Variants in GPR137 observed in about 807,000 individuals in gnomAD.
GPR137 encodes integral membrane protein GPR137.
Under a neutral mutation model 38.9 loss-of-function variants are expected in GPR137, and 20 were observed. The ratio of observed to expected loss-of-function variants is 0.51; its 90% confidence interval spans 0.36 to 0.75. The LOEUF is 0.75. GPR137 is among the 30% of genes least tolerant of loss of function. GPR137 has a pLI of 0.00. For missense variants in GPR137, 456 were observed against 526.4 expected (o/e 0.87, Z 1.31); for synonymous variants, 226 against 235.8 (o/e 0.96, Z 0.38).
At chr11:64,272,299 A>AGTG (rs2032693528), upstream of GPR137, among the ~76,000 whole-genome samples, 1 of 151,478 alleles carries the variant, frequency 6.6e-6, no homozygotes, top group South Asian at 2.1e-4. Flanking sequence ...AGCCTGGGCG[A>AGTG]CAGGCTTTTT....
upstream of GPR137, among the ~76,000 whole-genome samples, chr11:64,273,777 G>A (rs1041021881): frequency 2.1e-4 from 31 of 150,258 alleles, no homozygotes; most frequent in African/African-American, 7.3e-4. Flanking sequence ...AGCTACTCGG[G>A]AGGCTGAAGC....
upstream of GPR137, among the ~76,000 whole-genome samples, chr11:64,282,559 A>AC (rs1223750743): frequency 6.8e-6 from 1 of 146,668 alleles, no homozygotes; most frequent in East Asian, 2.0e-4. Context: ...ACAAAAGGAG[A>AC]CCCCGCCCCT....
In GPR137 at chr11:64,288,558, C is replaced by T. The variant is rs1565362898; in HGVS notation, c.913-45C>T. ...GAGTCTGGGGTTGGGCCTGGGAGGC[C>T]AGTGCAGGACAGGAGTAAGTATCGA... On this transcript the variant is annotated intron_variant, in intron 5 of 6. Transcript: ENST00000438980. The surrounding 1 kb of genome is among the most constrained non-coding windows in gnomAD (Gnocchi z 5.5). 6.2e-6 allele frequency: 10 copies of T among 1,613,084 alleles called. No individual in the cohort carries two copies. Among genetic ancestry groups the T allele is most frequent in the African/African-American group, 1.3e-5 (1 of 75,020 alleles).
chr11:64,272,638 A>G (rs1458214733), upstream of GPR137: 5 of 152,210 alleles, frequency 3.3e-5, no homozygotes, highest in African/African-American at 4.8e-5. Context: ...ACATTCCCTT[A>G]TTATCCTCCT....
At chr11:64,287,476 G>A (rs773616990) in intron 2 of GPR137, 92 of 584,336 alleles carry the variant, frequency 1.6e-4, no homozygotes, top group Non-Finnish European at 1.8e-4. Flanking sequence ...GCAGGATCAA[G>A]GTCGCAGAGC....
chr11:64,270,666 G>A (rs1007499327), intron 1 of GPR137: 23 of 576,256 alleles, frequency 4.0e-5, no homozygotes, highest in African/African-American at 3.5e-4. Context: ...GCGATGGTGA[G>A]CGCCTGTAAT....
Position 64,288,611 on chromosome 11 carries a change from C to G in GPR137, c.921C>G (p.Ser307Arg). ...VHRPPQDLST[S>R]HILNGQVFAS... Reference sequence around the variant, plus strand: ...ATGGCTTCCTCCCCCAGAGCACCAGCCACATCCTCAATGGGCAGGTCTTTG... The same window carrying G: ...ATGGCTTCCTCCCCCAGAGCACCAGGCACATCCTCAATGGGCAGGTCTTTG... Residue 307 changes from serine to arginine, a missense_variant, in exon 6 of 7, where the codon AGC (serine) becomes AGG (arginine). Coordinates refer to ENST00000438980, the MANE Select transcript of GPR137 (RefSeq NM_001170880.2). This position sits in a 1 kb window ranked among gnomAD's most constrained non-coding sequence, Gnocchi z 5.5. 2 of 1,613,446 alleles carry G rather than the reference C, an allele frequency of 1.2e-6. No homozygotes were observed. The highest frequency in any genetic ancestry group is 1.7e-6 in the Non-Finnish European group (2 of 1,179,730).
At chr11:64,271,576 T>C, upstream of GPR137, 1 of 1,384,076 alleles carries the variant, frequency 7.2e-7, no homozygotes. Flanking sequence ...GGCGGCCTGG[T>C]ACTTCAGGTC....
Position 64,286,484 on chromosome 11 carries a change from C to G in GPR137, c.-41C>G. Reference sequence around the variant, plus strand: ...TATTTCCCTGGTCCCGCCGACAGTCCCTCCTTGTCTGTCTCCGGGATTCAG... The same window carrying G: ...TATTTCCCTGGTCCCGCCGACAGTCGCTCCTTGTCTGTCTCCGGGATTCAG... On this transcript the variant is annotated 5_prime_UTR_variant, in exon 1 of 7. Transcript: ENST00000438980. The G allele has an allele frequency of 6.4e-7, 1 of 1,574,246 alleles. No individual in the cohort carries two copies. Among genetic ancestry groups the G allele is most frequent in the Non-Finnish European group, 8.6e-7 (1 of 1,157,468 alleles).
Position 64,288,158 on chromosome 11 carries a change from G to GC in GPR137, c.733dup (p.Gln245ProfsTer16), listed in dbSNP as rs1158076027. On this transcript the variant is annotated frameshift_variant, in exon 4 of 7. Coordinates refer to ENST00000438980, the MANE Select transcript of GPR137 (RefSeq NM_001170880.2). LOFTEE classifies it high-confidence loss of function. The surrounding 1 kb of genome is among the most constrained non-coding windows in gnomAD (Gnocchi z 5.5). Reference sequence around the variant, plus strand: ...CTACAACCTGACAGCACTGGCCTTGGCCCCCCAGAGCCGGCTGGACACCTT... The same window carrying GC: ...CTACAACCTGACAGCACTGGCCTTGGCCCCCCCAGAGCCGGCTGGACACCTT... 6.2e-7 allele frequency: 1 copy of GC among 1,613,008 alleles called. No homozygotes were observed. The highest frequency in any genetic ancestry group is 8.5e-7 in the Non-Finnish European group (1 of 1,179,994).
At chr11:64,279,498 G>A (rs1023698530), upstream of GPR137, among the ~76,000 whole-genome samples, 64 of 152,360 alleles carry the variant, frequency 4.2e-4, no homozygotes, top group African/African-American at 9.6e-4. Flanking sequence ...CAGACGCGGT[G>A]GCTCATGCCT....
chr11:64,285,614 G>A, upstream of GPR137: 1 of 984,150 alleles, frequency 1.0e-6, no homozygotes, highest in Non-Finnish European at 1.2e-6. Flanking sequence ...ACAAGTAAAG[G>A]CGGGCGGCAC....
Position 64,289,324 on chromosome 11 carries a change from C to T in GPR137, c.*128C>T. The T allele has an allele frequency of 1.9e-6, 3 of 1,608,024 alleles. No homozygotes were observed. The highest frequency in any genetic ancestry group is 1.1e-5 in the South Asian group (1 of 90,222). ...TGGCTACCCCCTCCTCTGGCCGGCT[C>T]CTTGCTGCTCCTGTCATAGTGAGCT... is the stretch of plus-strand genomic sequence containing the variant. On this transcript the variant is annotated 3_prime_UTR_variant, in exon 7 of 7. Coordinates refer to ENST00000438980, the MANE Select transcript of GPR137 (RefSeq NM_001170880.2).
chr11:64,277,958 G>A (rs1479465078), intron 2 of GPR137, among the ~76,000 whole-genome samples: 1 of 152,084 alleles, frequency 6.6e-6, no homozygotes, highest in Middle Eastern at 3.2e-3. Flanking sequence ...GAATGTTCAC[G>A]TTACAAAATA....
upstream of GPR137, among the ~76,000 whole-genome samples, chr11:64,282,197 C>T (rs753570604): frequency 5.3e-5 from 8 of 152,166 alleles, no homozygotes; most frequent in African/African-American, 7.2e-5. Context: ...CTGTGTCACA[C>T]GGTGAGCACT....
rs1284004568 is a variant in GPR137, at chr11:64,288,505, G to A, written c.912+37G>A. Reference sequence around the variant, plus strand: ...CTCCCTCTTCTGTGGGGCCAGTGGAGGGGGCGGATGTTGCAAATCCTGGGT... The same window carrying A: ...CTCCCTCTTCTGTGGGGCCAGTGGAAGGGGCGGATGTTGCAAATCCTGGGT... On this transcript the variant is annotated intron_variant, in intron 5 of 6. Transcript: ENST00000438980. This position sits in a 1 kb window ranked among gnomAD's most constrained non-coding sequence, Gnocchi z 5.5. The A allele has an allele frequency of 6.2e-7, 1 of 1,612,966 alleles. No individual in the cohort carries two copies. The highest frequency in any genetic ancestry group is 1.7e-5 in the Admixed American group (1 of 60,022).
upstream of GPR137, among the ~76,000 whole-genome samples, chr11:64,283,578 T>C (rs2033627777): frequency 6.6e-6 from 1 of 152,064 alleles, no homozygotes; most frequent in Admixed American, 6.6e-5. Context: ...CTGCTGTGGG[T>C]ACGAGCCACA....
chr11:64,280,307 A>C (rs1441918299), upstream of GPR137, among the ~76,000 whole-genome samples: 1 of 141,250 alleles, frequency 7.1e-6, no homozygotes, highest in African/African-American at 2.6e-5. Context: ...GCGACAGAGC[A>C]AGACTCCATG....
chr11:64,277,757 TC>T, intron 2 of GPR137, among the ~76,000 whole-genome samples: 1 of 152,328 alleles, frequency 6.6e-6, no homozygotes, highest in Middle Eastern at 3.4e-3. Flanking sequence ...CACTTTCTTT[TC>T]CCTTTTCCTA....
Sources: allele counts gnomAD v4.1 joint callset (sites outside exome capture counted in the v4.1 genomes callset), GRCh38; gene constraint gnomAD v4.1.1; non-coding constraint Gnocchi (gnomAD v3.1); transcripts MANE v1.5; gene names NCBI Gene and HGNC (gene_info 2026-07-23, HGNC 2026-07-21).